OXR1: variants seen among roughly 807,000 people sequenced by gnomAD.
OXR1 encodes oxidation resistance protein 1.
A neutral mutation model predicts 104.6 loss-of-function variants in OXR1; 41 were observed. That is an observed-to-expected ratio of 0.39 (90% CI 0.31 to 0.51). OXR1 has a LOEUF of 0.51. Ranked by LOEUF, OXR1 falls within the 20% of genes least tolerant of loss-of-function variation. OXR1 has a pLI of 0.77. For synonymous variants in OXR1, 348 were observed against 348.4 expected (o/e 1.00, Z 0.01); for missense variants, 955 against 1,031.9 (o/e 0.93, Z 1.02).
chr8:106,657,031 A>C lies in OXR1; in HGVS notation c.221-22179A>C, dbSNP rs146753011. ...GTTTAATTTATTTAATGCCTGGGAAAACTAAAAGAACTACAAACAGATGTG... is the reference window on the plus strand; with the variant it reads ...GTTTAATTTATTTAATGCCTGGGAACACTAAAAGAACTACAAACAGATGTG... On this transcript the variant is annotated intron_variant, in intron 3 of 16. Transcript: ENST00000517566. 2.6e-5 allele frequency among the ~76,000 whole-genome samples: 4 copies of C among 152,256 alleles called. No homozygotes were observed. In the East Asian group the frequency reaches 7.7e-4, roughly 29 times the overall value.
chr8:106,318,875 G>A (rs567226389), intron 1 of OXR1, among the ~76,000 whole-genome samples: 1 of 152,250 alleles, frequency 6.6e-6, no homozygotes, highest in African/African-American at 2.4e-5. Context: ...TGAATCATAG[G>A]TCTATCTCCA....
chr8:106,739,822 A>G (rs1834763654), intron 13 of OXR1, among the ~76,000 whole-genome samples: 1 of 146,914 alleles, frequency 6.8e-6, no homozygotes, highest in African/African-American at 2.7e-5. Context: ...TACTTGCTTT[A>G]TGTGGATTAT....
intron 1 of OXR1, among the ~76,000 whole-genome samples, chr8:106,307,997 GACAC>G (rs144471966): frequency 2.7e-5 from 4 of 150,260 alleles, no homozygotes; most frequent in Non-Finnish European, 5.9e-5. Flanking sequence ...GAACCAAAAG[GACAC>G]ACACACACAC....
At chr8:106,443,663 G>C (rs1819886992) in intron 2 of OXR1, among the ~76,000 whole-genome samples, 1 of 152,028 alleles carries the variant, frequency 6.6e-6, no homozygotes, top group African/African-American at 2.4e-5. Context: ...ATGTTATAAT[G>C]CCCTTCTTTG....
At chr8:106,535,452 C>G (rs1023632825) in intron 3 of OXR1, among the ~76,000 whole-genome samples, 3 of 152,258 alleles carry the variant, frequency 2.0e-5, no homozygotes, top group African/African-American at 7.2e-5. Context: ...GGAAAGATCC[C>G]TAAGTTTTTA....
At chr8:106,649,171 T>C (rs1297874845) in intron 3 of OXR1, among the ~76,000 whole-genome samples, 1 of 152,052 alleles carries the variant, frequency 6.6e-6, no homozygotes, top group Non-Finnish European at 1.5e-5. Flanking sequence ...CACCACTGCA[T>C]GCCAGCCTGG....
chr8:106,523,424 C>T (rs1312590447), intron 3 of OXR1, among the ~76,000 whole-genome samples: 3 of 151,954 alleles, frequency 2.0e-5, no homozygotes, highest in East Asian at 3.9e-4. Context: ...TACAGCACCA[C>T]CTGATATATA....
chr8:106,304,165 C>A (rs1192736179), intron 1 of OXR1, among the ~76,000 whole-genome samples: 1 of 152,100 alleles, frequency 6.6e-6, no homozygotes, highest in Non-Finnish European at 1.5e-5. Flanking sequence ...GGACTCTATG[C>A]TAAACCAAAA....
At chr8:106,716,869 G>T (rs1832313632) in intron 11 of OXR1, among the ~76,000 whole-genome samples, 2 of 152,004 alleles carry the variant, frequency 1.3e-5, no homozygotes, top group South Asian at 4.2e-4. Flanking sequence ...CTTGTGCAGT[G>T]CAGGTCTATG....
intron 3 of OXR1, among the ~76,000 whole-genome samples, chr8:106,662,288 T>C (rs1825840441): frequency 6.6e-6 from 1 of 152,190 alleles, no homozygotes; most frequent in Admixed American, 6.5e-5. Context: ...TGAAGTTAAG[T>C]GGGAATGTAT....
chr8:106,372,455 G>A (rs1004610459), intron 2 of OXR1, among the ~76,000 whole-genome samples: 2 of 151,556 alleles, frequency 1.3e-5, no homozygotes, highest in East Asian at 3.9e-4. Context: ...CTTCTAGTCA[G>A]CCATCTTGGC....
At chr8:106,392,656 C>G (rs1817629850) in intron 2 of OXR1, among the ~76,000 whole-genome samples, 1 of 152,122 alleles carries the variant, frequency 6.6e-6, no homozygotes, top group South Asian at 2.1e-4. Context: ...GTGGGAATTT[C>G]ATATTCTTTA....
chr8:106,550,923 A>G (rs990308114), intron 3 of OXR1, among the ~76,000 whole-genome samples: 2 of 152,246 alleles, frequency 1.3e-5, no homozygotes, highest in African/African-American at 4.8e-5. Flanking sequence ...TAAAATGTTT[A>G]AGTACTCAAT....
chr8:106,490,659 C>A (rs1811021753), intron 2 of OXR1, among the ~76,000 whole-genome samples: 1 of 152,110 alleles, frequency 6.6e-6, no homozygotes, highest in African/African-American at 2.4e-5. Flanking sequence ...AGCCACTGAA[C>A]CCAGCTGGAT....
intron 3 of OXR1, among the ~76,000 whole-genome samples, chr8:106,669,239 A>G (rs530955891): frequency 2.0e-5 from 3 of 152,310 alleles, no homozygotes; most frequent in African/African-American, 7.2e-5. Flanking sequence ...TTGCCATTTA[A>G]TTTATTCATT....
chr8:106,623,731 G>C (rs910392762), intron 3 of OXR1, among the ~76,000 whole-genome samples: 2 of 152,158 alleles, frequency 1.3e-5, no homozygotes, highest in African/African-American at 2.4e-5. Context: ...TTTTGCTATA[G>C]AGGATGGGAC....
At chr8:106,327,454 C>T (rs556962422) in intron 1 of OXR1, among the ~76,000 whole-genome samples, 25 of 152,150 alleles carry the variant, frequency 1.6e-4, no homozygotes, top group African/African-American at 4.6e-4. Flanking sequence ...ATTGGGAGTA[C>T]GACAGACACC....
intron 3 of OXR1, among the ~76,000 whole-genome samples, chr8:106,677,144 C>G (rs1284991312): frequency 2.6e-5 from 4 of 152,008 alleles, no homozygotes; most frequent in Non-Finnish European, 5.9e-5. Flanking sequence ...TAAAGGTAAT[C>G]TGTAATTGTA....
At chr8:106,517,023 G>A (rs1220823816) in intron 2 of OXR1, among the ~76,000 whole-genome samples, 1 of 152,094 alleles carries the variant, frequency 6.6e-6, no homozygotes, top group African/African-American at 2.4e-5. Context: ...TTACTGTATG[G>A]TAAAAGTCAA....
Sources: gnomAD v4.1 joint callset for allele counts (sites outside exome capture counted in the v4.1 genomes callset) on GRCh38, gnomAD v4.1.1 for gene constraint, MANE v1.5 for transcripts, NCBI Gene and HGNC (gene_info 2026-07-23, HGNC 2026-07-21) for gene names.